The following EYS variants were observed in gnomAD, a reference collection of about 807,000 sequenced individuals.
EYS encodes the protein protein eyes shut homolog.
Under a neutral mutation model 282.1 loss-of-function variants are expected in EYS, and 250 were observed. That is an observed-to-expected ratio of 0.89 (90% confidence interval 0.80 to 0.98). The LOEUF is 0.98. EYS is among the 50% of genes least tolerant of loss of function. The pLI, the probability that EYS is intolerant of heterozygous loss-of-function variation, is 0.00. For missense variants in EYS, 4,016 were observed against 3,709.0 expected (o/e 1.08, Z -2.15); for synonymous variants, 1,355 against 1,282.9 (o/e 1.06, Z -1.20).
intron 2 of EYS, among the ~76,000 whole-genome samples, chr6:65,570,942 A>C (rs909410643): frequency 2.2e-4 from 34 of 152,018 alleles, no homozygotes; most frequent in Admixed American, 2.0e-3. Context: ...CTTGGAGGCC[A>C]TATGTTTTAG....
intron 33 of EYS, among the ~76,000 whole-genome samples, chr6:64,017,830 C>T (rs1022251151): frequency 2.0e-5 from 3 of 152,242 alleles, no homozygotes; most frequent in East Asian, 3.9e-4. Flanking sequence ...TGTCTATGTT[C>T]GGGCAATTTA....
chr6:63,722,588 T>C (rs995406941), intron 42 of EYS, among the ~76,000 whole-genome samples: 12 of 152,206 alleles, frequency 7.9e-5, no homozygotes, highest in Admixed American at 7.2e-4. Flanking sequence ...CACTGTAAGA[T>C]TGCTTGAAGA....
intron 30 of EYS, among the ~76,000 whole-genome samples, chr6:64,298,173 A>G (rs938251987): frequency 6.6e-5 from 10 of 152,310 alleles, no homozygotes; most frequent in Middle Eastern, 3.4e-3. Flanking sequence ...CAATTATTAA[A>G]GTTAAATGGC....
chr6:64,376,864 A>G (rs1582670928), intron 29 of EYS, among the ~76,000 whole-genome samples: 1 of 152,154 alleles, frequency 6.6e-6, no homozygotes. Context: ...ATCTCAGGAT[A>G]GGTTTCCTCA....
intron 19 of EYS, among the ~76,000 whole-genome samples, chr6:64,826,009 A>G: frequency 6.6e-6 from 1 of 151,980 alleles, no homozygotes; most frequent in East Asian, 1.9e-4. Context: ...ATCTAAAAGA[A>G]ATAATAGTAT....
intron 12 of EYS, among the ~76,000 whole-genome samples, chr6:65,209,382 C>T (rs542496177): frequency 1.3e-5 from 2 of 151,438 alleles, no homozygotes; most frequent in African/African-American, 2.4e-5. Context: ...GAGAATGAAA[C>T]AATTATTTGC....
chr6:65,646,482 G>C (rs1481460746), intron 1 of EYS, among the ~76,000 whole-genome samples: 1 of 152,056 alleles, frequency 6.6e-6, no homozygotes, highest in Non-Finnish European at 1.5e-5. Context: ...CATCCTTTAT[G>C]AATAAAACCT....
intron 31 of EYS, among the ~76,000 whole-genome samples, chr6:64,214,856 A>C (rs1765883611): frequency 6.6e-6 from 1 of 152,038 alleles, no homozygotes; most frequent in Non-Finnish European, 1.5e-5. Context: ...GTGCCATTTG[A>C]TATGCATATA....
At chr6:64,494,642 G>T (rs1173227282) in intron 26 of EYS, among the ~76,000 whole-genome samples, 1 of 151,578 alleles carries the variant, frequency 6.6e-6, no homozygotes, top group Non-Finnish European at 1.5e-5. Flanking sequence ...GGAACTTTTG[G>T]TCTTTTCATA....
intron 36 of EYS, among the ~76,000 whole-genome samples, chr6:63,862,996 A>C (rs868618471): frequency 6.6e-6 from 1 of 152,096 alleles, no homozygotes; most frequent in African/African-American, 2.4e-5. Flanking sequence ...CTCTCGTTTC[A>C]GTTTTCATAC....
chr6:65,603,319 A>G (rs1765674251), intron 2 of EYS, among the ~76,000 whole-genome samples: 1 of 151,944 alleles, frequency 6.6e-6, no homozygotes. Context: ...TTCAAAAACA[A>G]AAAAGATTCA....
intron 5 of EYS, among the ~76,000 whole-genome samples, chr6:65,467,602 A>G (rs2150414243): frequency 6.6e-6 from 1 of 152,280 alleles, no homozygotes; most frequent in African/African-American, 2.4e-5. Flanking sequence ...GAATAAATGA[A>G]GAGATATGTC....
At chr6:64,634,726 A>G (rs1046392023) in intron 22 of EYS, among the ~76,000 whole-genome samples, 2 of 152,242 alleles carry the variant, frequency 1.3e-5, no homozygotes, top group African/African-American at 2.4e-5. Context: ...ACATCTAAGA[A>G]AAAATGAAGA....
intron 12 of EYS, among the ~76,000 whole-genome samples, chr6:65,138,304 T>A (rs996655357): frequency 1.9e-4 from 29 of 152,100 alleles, no homozygotes; most frequent in African/African-American, 6.8e-4. Context: ...AACTATAAAA[T>A]GAGTATCACA....
chr6:63,839,859 C>T (rs1771905831), intron 36 of EYS, among the ~76,000 whole-genome samples: 1 of 152,170 alleles, frequency 6.6e-6, no homozygotes, highest in South Asian at 2.1e-4. Flanking sequence ...AGTGTACATC[C>T]TCGCCAGCAT....
chr6:64,446,445 A>G (rs767502991), intron 26 of EYS, among the ~76,000 whole-genome samples: 2 of 152,084 alleles, frequency 1.3e-5, no homozygotes, highest in Non-Finnish European at 2.9e-5. Flanking sequence ...AAATGAGTAT[A>G]ATATTTCTCT....
chr6:65,094,979 T>C (rs2150180071), intron 12 of EYS, among the ~76,000 whole-genome samples: 1 of 151,004 alleles, frequency 6.6e-6, no homozygotes, highest in East Asian at 1.9e-4. Context: ...GAAGAGAGAC[T>C]ACTCAAAATA....
intron 29 of EYS, among the ~76,000 whole-genome samples, chr6:64,361,987 G>C (rs370933983): frequency 2.0e-5 from 3 of 151,732 alleles, no homozygotes; most frequent in South Asian, 4.1e-4. Flanking sequence ...AGATTGTTTA[G>C]TCAAATTTTT....
intron 31 of EYS, among the ~76,000 whole-genome samples, chr6:64,178,607 G>A (rs989155948): frequency 6.6e-6 from 1 of 152,072 alleles, no homozygotes. Context: ...GAATCAGAGA[G>A]ATGTGACCTT....
Sources: allele counts gnomAD v4.1 joint callset (sites outside exome capture counted in the v4.1 genomes callset), GRCh38; gene constraint gnomAD v4.1.1; transcripts MANE v1.5; gene names NCBI Gene and HGNC (gene_info 2026-07-23, HGNC 2026-07-21).